CMIP: variants seen among roughly 807,000 people sequenced by gnomAD.
The protein encoded by CMIP is C-Maf-inducing protein.
Under a neutral mutation model 97.3 loss-of-function variants are expected in CMIP, and 13 were observed. That is an observed-to-expected ratio of 0.13 (90% CI 0.09 to 0.21). The LOEUF is 0.21. CMIP is among the 10% of genes least tolerant of loss of function. The probability of loss-of-function intolerance (pLI) is 1.00; values close to 1 mark genes in which losing one functional copy is unlikely to be tolerated. For missense variants in CMIP, 847 were observed against 1,024.9 expected (o/e 0.83, Z 2.37); for synonymous variants, 538 against 436.3 (o/e 1.23, Z -2.91).
intron 10 of CMIP, among the ~76,000 whole-genome samples, chr16:81,687,083 A>C (rs1905483460): frequency 6.6e-6 from 1 of 152,186 alleles, no homozygotes; most frequent in South Asian, 2.1e-4. Flanking sequence ...ACCTGGTGGC[A>C]CTTGCTAGTC....
In CMIP at chr16:81,664,328, G is replaced by C; in HGVS notation, c.804G>C (p.Gln268His). The change falls in exon 7 of 21, where the codon CAG (glutamine) becomes CAC (histidine). Residue 268 changes from glutamine (Q) to histidine (H), a missense_variant. Physicochemically the swap from Gln to His is conservative, Grantham distance 24 (BLOSUM62 0). Around this residue, in one of 4 missense-constraint regions of CMIP, gnomAD observed 285 missense variants for 392.2 expected, o/e 0.73. Coordinates refer to ENST00000537098, the MANE Select transcript of CMIP (RefSeq NM_198390.3). Reference sequence around the variant, plus strand: ...TCGAGGTGTTCACCCCCGTGGTGCAGCGAATCCTCAAGCATAACATGGTGA... The same window carrying C: ...TCGAGGTGTTCACCCCCGTGGTGCACCGAATCCTCAAGCATAACATGGTGA... ...VVIEVFTPVV[Q>H]RILKHNMDFG... 6.3e-7 allele frequency: 1 copy of C among 1,598,218 alleles called. No homozygotes were observed. Among genetic ancestry groups the C allele is most frequent in the Non-Finnish European group, 8.5e-7 (1 of 1,173,070 alleles).
At chr16:81,504,629 T>C (rs1391055959) in intron 1 of CMIP, among the ~76,000 whole-genome samples, 7 of 111,898 alleles carry the variant, frequency 6.3e-5, no homozygotes, top group African/African-American at 2.6e-4. Context: ...GGCGACAGAG[T>C]GAGACTCGTC....
chr16:81,458,418 G>T (rs1298971746), intron 1 of CMIP, among the ~76,000 whole-genome samples: 1 of 152,144 alleles, frequency 6.6e-6, no homozygotes, highest in Non-Finnish European at 1.5e-5. Flanking sequence ...GGTAAGCAGG[G>T]CACCCTCTCT....
intron 1 of CMIP, among the ~76,000 whole-genome samples, chr16:81,483,664 G>A (rs2089269214): frequency 6.6e-6 from 1 of 152,126 alleles, no homozygotes; most frequent in South Asian, 2.1e-4. Context: ...TGGGCCCATT[G>A]AGGCCTGCTG....
intron 13 of CMIP, among the ~76,000 whole-genome samples, chr16:81,693,729 G>C (rs1906379820): frequency 6.6e-6 from 1 of 152,220 alleles, no homozygotes; most frequent in Non-Finnish European, 1.5e-5. Flanking sequence ...TCTGCCCGCA[G>C]CCGAGGCCTT....
intron 17 of CMIP, 190 bp from the exon 18 acceptor site, chr16:81,703,749 C>G (rs1311174150): frequency 1.4e-6 from 1 of 690,726 alleles, no homozygotes; most frequent in Admixed American, 3.0e-5. Flanking sequence ...CGTGGCAGCC[C>G]CTCCCTCTCT....
At chr16:81,554,942 G>C (rs988316073) in intron 1 of CMIP, among the ~76,000 whole-genome samples, 4 of 152,154 alleles carry the variant, frequency 2.6e-5, no homozygotes, top group Non-Finnish European at 4.4e-5. Context: ...TGGGCTGGAA[G>C]CTCCTAGGGA....
At chr16:81,503,745 G>A (rs1364503310) in intron 1 of CMIP, among the ~76,000 whole-genome samples, 1 of 152,222 alleles carries the variant, frequency 6.6e-6, no homozygotes, top group Non-Finnish European at 1.5e-5. Context: ...CACTGTGGAT[G>A]TCTAGAAGTG....
At chr16:81,642,062 T>G (rs1028890889) in intron 3 of CMIP, among the ~76,000 whole-genome samples, 3 of 152,276 alleles carry the variant, frequency 2.0e-5, no homozygotes, top group Non-Finnish European at 4.4e-5. Flanking sequence ...TACAAAGTGC[T>G]TCGCACAGGA....
intron 1 of CMIP, among the ~76,000 whole-genome samples, chr16:81,569,526 C>A (rs891112698): frequency 3.3e-5 from 5 of 152,234 alleles, no homozygotes; most frequent in African/African-American, 2.4e-5. Flanking sequence ...CTGCCGAGAC[C>A]TGCAGGAACT....
intron 1 of CMIP, among the ~76,000 whole-genome samples, chr16:81,584,538 G>T (rs1238945675): frequency 6.6e-6 from 1 of 152,174 alleles, no homozygotes; most frequent in Non-Finnish European, 1.5e-5. Flanking sequence ...TACCTCGAGT[G>T]GTCAGAGTAG....
chr16:81,506,677 G>T (rs772949201), intron 1 of CMIP, among the ~76,000 whole-genome samples: 3 of 152,252 alleles, frequency 2.0e-5, no homozygotes, highest in Non-Finnish European at 4.4e-5. Flanking sequence ...CACTCTGGGA[G>T]GCCAAGGCGG....
At chr16:81,635,773 C>T (rs1328486812) in intron 3 of CMIP, among the ~76,000 whole-genome samples, 2 of 152,024 alleles carry the variant, frequency 1.3e-5, no homozygotes, top group East Asian at 1.9e-4. Flanking sequence ...GGGGACAGCT[C>T]TGCCCATTTG....
At chr16:81,600,600 G>T (rs2091642035) in intron 1 of CMIP, among the ~76,000 whole-genome samples, 1 of 152,206 alleles carries the variant, frequency 6.6e-6, no homozygotes, top group Admixed American at 6.5e-5. Flanking sequence ...GTAGCAGGGA[G>T]TGACGACTTA....
At chr16:81,612,493 C>G (rs906715076) in intron 2 of CMIP, among the ~76,000 whole-genome samples, 3 of 152,130 alleles carry the variant, frequency 2.0e-5, no homozygotes, top group African/African-American at 7.2e-5. Flanking sequence ...CTGGAAAGCA[C>G]CAGAAAGGTC....
chr16:81,563,453 G>A (rs1435971240), intron 1 of CMIP, among the ~76,000 whole-genome samples: 2 of 152,162 alleles, frequency 1.3e-5, no homozygotes, highest in Non-Finnish European at 2.9e-5. Flanking sequence ...TCCAAGGTGC[G>A]GTCTATGGAC....
chr16:81,592,579 C>T (rs920691509), intron 1 of CMIP, among the ~76,000 whole-genome samples: 7 of 152,200 alleles, frequency 4.6e-5, no homozygotes, highest in Non-Finnish European at 8.8e-5. Flanking sequence ...TTGCACCCTC[C>T]GCTCACCCTG....
chr16:81,593,870 GC>G (rs1306190077), intron 1 of CMIP, among the ~76,000 whole-genome samples: 2 of 152,048 alleles, frequency 1.3e-5, no homozygotes, highest in African/African-American at 4.8e-5. Context: ...ACATGCCCTG[GC>G]CCATTCAGGT....
At chr16:81,692,232 A>T (rs1906168566) in intron 11 of CMIP, among the ~76,000 whole-genome samples, 1 of 152,230 alleles carries the variant, frequency 6.6e-6, no homozygotes, top group African/African-American at 2.4e-5. Flanking sequence ...GAATCAAAAG[A>T]TAATGCGCGT....
Sources: gnomAD v4.1 joint callset for allele counts (sites outside exome capture counted in the v4.1 genomes callset) on GRCh38, gnomAD v4.1.1 for gene constraint, gnomAD v4.1.1 regional missense constraint, MANE v1.5 for transcripts, NCBI Gene and HGNC (gene_info 2026-07-23, HGNC 2026-07-21) for gene names.